Variants in BLTP1 observed in about 807,000 individuals in gnomAD.
BLTP1 encodes the protein bridge-like lipid transfer protein family member 1.
At chr4:122,161,820 C>CATAATGATGTATTTTTT in the BLTP1 span, among the ~76,000 whole-genome samples, 1 of 152,130 alleles carries the variant, frequency 6.6e-6, no homozygotes, top group African/African-American at 2.4e-5. Context: ...GACAATAGCT[C>CATAATGATGTATTTTTT]ATAATGATGT....
chr4:122,244,911 C>CAA, the BLTP1 span: 1 of 1,298,706 alleles, frequency 7.7e-7, no homozygotes, highest in Non-Finnish European at 1.1e-6. Context: ...CAATGTTGAG[C>CAA]AATTGTTGTA....
At chr4:122,312,351 T>TA in the BLTP1 span, among the ~76,000 whole-genome samples, 1 of 152,312 alleles carries the variant, frequency 6.6e-6, no homozygotes, top group Non-Finnish European at 1.5e-5. Flanking sequence ...GCTTAATTTT[T>TA]AAAAATTCTC....
chr4:122,156,245 T>G, the BLTP1 span, among the ~76,000 whole-genome samples: 1 of 152,166 alleles, frequency 6.6e-6, no homozygotes, highest in Non-Finnish European at 1.5e-5. Context: ...GGAGTCACAA[T>G]TTAAAGATGA....
chr4:122,302,103 A>G, the BLTP1 span: 2 of 265,804 alleles, frequency 7.5e-6, no homozygotes, highest in African/African-American at 4.6e-5. Context: ...ATTTTAATAG[A>G]AAACTTAATA....
chr4:122,244,008 G>T, the BLTP1 span: 12 of 1,595,428 alleles, frequency 7.5e-6, no homozygotes, highest in East Asian at 2.5e-4. Context: ...GACTCCCCTG[G>T]TGGCTGAAGC....
chr4:122,171,260 A>G, the BLTP1 span, among the ~76,000 whole-genome samples: 4 of 152,308 alleles, frequency 2.6e-5, no homozygotes, highest in Non-Finnish European at 4.4e-5. Flanking sequence ...TAAACTAAAT[A>G]GCAGAGGGAG....
chr4:122,289,314 C>T, the BLTP1 span: 3 of 814,568 alleles, frequency 3.7e-6, no homozygotes, highest in Non-Finnish European at 5.3e-6. Flanking sequence ...TCAAATAACT[C>T]CTAAGAAACT....
the BLTP1 span, chr4:122,270,957 G>A: frequency 2.0e-6 from 3 of 1,481,602 alleles, no homozygotes; most frequent in Non-Finnish European, 2.7e-6. Context: ...AATTAATAAA[G>A]ATGTATGTTT....
At chr4:122,258,820 A>G in the BLTP1 span, 42 of 1,611,710 alleles carry the variant, frequency 2.6e-5, no homozygotes, top group Non-Finnish European at 3.4e-5. Flanking sequence ...TCATACCCAT[A>G]GTGACTCTGC....
At chr4:122,355,939 C>A in the BLTP1 span, 1 of 1,611,770 alleles carries the variant, frequency 6.2e-7, no homozygotes, top group Admixed American at 1.7e-5. Flanking sequence ...AAGGATGCAG[C>A]TTGACTTTAA....
At chr4:122,196,539 A>G in the BLTP1 span, 1 of 965,948 alleles carries the variant, frequency 1.0e-6, no homozygotes, top group Non-Finnish European at 1.5e-6. Context: ...TGTGATAGCA[A>G]TGATAATAAA....
the BLTP1 span, chr4:122,259,742 C>T: frequency 6.5e-6 from 1 of 154,320 alleles, no homozygotes; most frequent in Non-Finnish European, 1.4e-5. Flanking sequence ...CGCCTGTAAT[C>T]CCAGCTACTC....
the BLTP1 span, chr4:122,200,224 C>A: frequency 3.0e-6 from 3 of 984,000 alleles, no homozygotes; most frequent in Non-Finnish European, 3.6e-6. Context: ...TCATCTATTG[C>A]TGATAAATAG....
chr4:122,337,129 C>G, the BLTP1 span: 2 of 979,996 alleles, frequency 2.0e-6, no homozygotes, highest in Non-Finnish European at 3.1e-6. Flanking sequence ...ACCTCAGGTT[C>G]ATGAACCTTT....
At chr4:122,202,599 A>G in the BLTP1 span, 1 of 810,856 alleles carries the variant, frequency 1.2e-6, no homozygotes, top group South Asian at 5.8e-5. Flanking sequence ...AACTTTACTA[A>G]TCTTTTAAAA....
At chr4:122,206,442 T>G in the BLTP1 span, among the ~76,000 whole-genome samples, 1 of 151,974 alleles carries the variant, frequency 6.6e-6, no homozygotes, top group Non-Finnish European at 1.5e-5. Context: ...ATGGACTCAC[T>G]TCTCTTCGAG....
chr4:122,191,989 T>G, the BLTP1 span, among the ~76,000 whole-genome samples: 4 of 152,140 alleles, frequency 2.6e-5, no homozygotes, highest in African/African-American at 9.7e-5. Flanking sequence ...ACATTAAATA[T>G]TTTATGTCAA....
the BLTP1 span, chr4:122,196,791 G>T: frequency 6.7e-7 from 1 of 1,486,506 alleles, no homozygotes; most frequent in East Asian, 2.3e-5. Flanking sequence ...CCAAAAATAG[G>T]GTAATTATTA....
chr4:122,313,703 G>C, the BLTP1 span: 2 of 1,412,954 alleles, frequency 1.4e-6, no homozygotes, highest in South Asian at 1.2e-5. Flanking sequence ...TTCACATGCA[G>C]CATTATTTTA....
Sources: allele counts gnomAD v4.1 joint callset (sites outside exome capture counted in the v4.1 genomes callset), GRCh38; gene constraint gnomAD v4.1.1; transcripts MANE v1.5; gene names NCBI Gene and HGNC (gene_info 2026-07-23, HGNC 2026-07-21).